Variants in NRXN3 observed in about 807,000 individuals in gnomAD.
The protein encoded by NRXN3 is neurexin III.
A neutral mutation model predicts 137.6 loss-of-function variants in NRXN3; 32 were observed. The observed-to-expected ratio is 0.23, with a 90% CI of 0.18 to 0.31. The LOEUF (loss-of-function observed/expected upper bound fraction) is 0.31, where lower values mean the gene tolerates loss of function less well. Among genes scored for constraint, NRXN3 ranks in the 10% least tolerant of loss-of-function variants. The probability of loss-of-function intolerance (pLI) is 1.00; values close to 1 mark genes in which losing one functional copy is unlikely to be tolerated. For missense variants in NRXN3, 1,574 were observed against 2,062.5 expected (o/e 0.76, Z 4.59); for synonymous variants, 798 against 784.5 (o/e 1.02, Z -0.29).
intron 19 of NRXN3, among the ~76,000 whole-genome samples, chr14:79,721,054 T>C (rs1479028375): frequency 6.6e-6 from 1 of 152,148 alleles, no homozygotes; most frequent in Non-Finnish European, 1.5e-5. Flanking sequence ...TCTATACCAA[T>C]GTGATCTATC....
intron 19 of NRXN3, among the ~76,000 whole-genome samples, chr14:79,723,617 G>A (rs899746393): frequency 6.6e-6 from 1 of 152,062 alleles, no homozygotes; most frequent in Admixed American, 6.6e-5. Context: ...TTATGGAGAC[G>A]AATGAAATTT....
At chr14:78,756,014 A>G (rs563277276) in intron 8 of NRXN3, among the ~76,000 whole-genome samples, 1 of 152,338 alleles carries the variant, frequency 6.6e-6, no homozygotes, top group East Asian at 1.9e-4. Flanking sequence ...TGGACATGGA[A>G]AGTATGAGAG....
rs1177608894 is a variant in NRXN3, at chr14:78,350,635, A to C, written c.757+52775A>C. On this transcript the variant is annotated intron_variant, in intron 4 of 20. Coordinates refer to ENST00000335750, the MANE Select transcript of NRXN3 (RefSeq NM_001330195.2). Reference sequence around the variant, plus strand: ...TCTATATTAAGACAGTTAGATTTGCATTTTTTCAACAATTTAAAAAAGATT... The same window carrying C: ...TCTATATTAAGACAGTTAGATTTGCCTTTTTTCAACAATTTAAAAAAGATT... 4.6e-5 allele frequency among the ~76,000 whole-genome samples: 7 copies of C among 152,252 alleles called. 1 individual carries two copies. The East Asian group carries it at 1.4e-3, about 29-fold the overall frequency.
At chr14:79,501,708 A>G (rs1200405862) in intron 16 of NRXN3, among the ~76,000 whole-genome samples, 1 of 151,346 alleles carries the variant, frequency 6.6e-6, no homozygotes, top group Non-Finnish European at 1.5e-5. Context: ...CCTACAACCA[A>G]ATTAGCCTCC....
chr14:79,720,077 C>T (rs952328683), intron 19 of NRXN3, among the ~76,000 whole-genome samples: 2 of 151,980 alleles, frequency 1.3e-5, no homozygotes, highest in African/African-American at 4.8e-5. Flanking sequence ...ATACCTGAGA[C>T]TGGGTAATTT....
intron 4 of NRXN3, among the ~76,000 whole-genome samples, chr14:78,617,429 C>A (rs994900473): frequency 6.6e-6 from 1 of 152,164 alleles, no homozygotes; most frequent in African/African-American, 2.4e-5. Flanking sequence ...CCAGGCTTTC[C>A]ATGGCTGGGG....
chr14:78,877,018 T>C (rs1033261394), intron 10 of NRXN3, among the ~76,000 whole-genome samples: 1 of 152,218 alleles, frequency 6.6e-6, no homozygotes, highest in Non-Finnish European at 1.5e-5. Flanking sequence ...AAGAGGACAA[T>C]GCAATATAGT....
At chr14:78,783,949 C>A (rs989632055) in intron 8 of NRXN3, among the ~76,000 whole-genome samples, 1 of 151,050 alleles carries the variant, frequency 6.6e-6, no homozygotes. Flanking sequence ...TTTTATAGAG[C>A]ATCTACTATG....
intron 19 of NRXN3, among the ~76,000 whole-genome samples, chr14:79,786,025 G>T (rs1178829848): frequency 1.3e-5 from 2 of 151,974 alleles, no homozygotes; most frequent in African/African-American, 4.8e-5. Flanking sequence ...ATGAGGCTTG[G>T]GACAGATAAG....
intron 19 of NRXN3, among the ~76,000 whole-genome samples, chr14:79,711,529 A>G (rs2098804270): frequency 6.6e-6 from 1 of 151,648 alleles, no homozygotes; most frequent in Non-Finnish European, 1.5e-5. Context: ...TTTATTTCCC[A>G]GGTTGGTCTC....
At chr14:79,645,110 T>A (rs1221967967) in intron 16 of NRXN3, among the ~76,000 whole-genome samples, 1 of 135,912 alleles carries the variant, frequency 7.4e-6, no homozygotes, top group Non-Finnish European at 1.7e-5. Flanking sequence ...ATTTCTGCTC[T>A]TAAGACTTCC....
At chr14:79,459,033 A>G (rs1368965859) in intron 15 of NRXN3, among the ~76,000 whole-genome samples, 3 of 150,510 alleles carry the variant, frequency 2.0e-5, no homozygotes, top group African/African-American at 7.5e-5. Context: ...CCTTCTTTCC[A>G]TCATCATCAG....
At chr14:78,532,973 T>C (rs1425331851) in intron 4 of NRXN3, among the ~76,000 whole-genome samples, 3 of 152,064 alleles carry the variant, frequency 2.0e-5, no homozygotes, top group Non-Finnish European at 4.4e-5. Flanking sequence ...ACTTTCTTCC[T>C]CAACAGCTCT....
At chr14:78,759,744 T>C (rs1310254627) in intron 8 of NRXN3, among the ~76,000 whole-genome samples, 1 of 152,228 alleles carries the variant, frequency 6.6e-6, no homozygotes, top group East Asian at 1.9e-4. Context: ...CTGAGGTGTT[T>C]AAGGAAAAGC....
intron 4 of NRXN3, among the ~76,000 whole-genome samples, chr14:78,424,967 TC>T (rs2153681426): frequency 6.6e-6 from 1 of 152,330 alleles, no homozygotes; most frequent in East Asian, 1.9e-4. Flanking sequence ...GACATGCTGG[TC>T]CCTTGGTTGT....
At chr14:79,612,547 T>C (rs2098115747) in intron 16 of NRXN3, among the ~76,000 whole-genome samples, 1 of 152,176 alleles carries the variant, frequency 6.6e-6, no homozygotes, top group Admixed American at 6.5e-5. Context: ...ATTGTCTCTT[T>C]TTCTTATTAA....
chr14:78,237,462 C>T (rs1191716473), intron 1 of NRXN3, among the ~76,000 whole-genome samples: 2 of 152,282 alleles, frequency 1.3e-5, no homozygotes, highest in Admixed American at 1.3e-4. Flanking sequence ...TAGACAAAAT[C>T]CTCTCCAATG....
chr14:78,985,676 T>G (rs12436039), intron 14 of NRXN3, among the ~76,000 whole-genome samples: 259 of 152,268 alleles, frequency 1.7e-3, no homozygotes, highest in Non-Finnish European at 2.8e-3. Context: ...ACAGTAAAAC[T>G]TTCCATAAAC....
intron 4 of NRXN3, among the ~76,000 whole-genome samples, chr14:78,312,114 A>G (rs1293954459): frequency 6.6e-6 from 1 of 152,182 alleles, no homozygotes; most frequent in Non-Finnish European, 1.5e-5. Flanking sequence ...GTTATAGATC[A>G]TTCATAGGCT....
Sources: allele counts gnomAD v4.1 joint callset (sites outside exome capture counted in the v4.1 genomes callset), GRCh38; gene constraint gnomAD v4.1.1; transcripts MANE v1.5; gene names NCBI Gene and HGNC (gene_info 2026-07-23, HGNC 2026-07-21).